The following UACA variants were observed in gnomAD, a reference collection of about 807,000 sequenced individuals.
UACA encodes uveal autoantigen with coiled-coil domains and ankyrin repeats.
A neutral mutation model predicts 160.5 loss-of-function variants in UACA; 112 were observed. That is an observed-to-expected ratio of 0.70 (90% CI 0.60 to 0.82). The LOEUF is 0.82. UACA is among the 40% of genes least tolerant of loss of function. The pLI, the probability that UACA is intolerant of heterozygous loss-of-function variation, is 0.00. For synonymous variants in UACA, 557 were observed against 568.4 expected, an observed-to-expected ratio of 0.98 and a Z score of 0.29; for missense variants, 1,574 against 1,614.6, an observed-to-expected ratio of 0.97 and a Z score of 0.43.
At chr15:70,755,145 C>A (rs916552413) in intron 1 of UACA, among the ~76,000 whole-genome samples, 2 of 152,096 alleles carry the variant, frequency 1.3e-5, no homozygotes, top group East Asian at 3.8e-4. Context: ...ATCTATTATT[C>A]TTGGATCTAG....
intron 1 of UACA, among the ~76,000 whole-genome samples, chr15:70,703,730 T>C (rs920567092): frequency 6.6e-6 from 1 of 152,054 alleles, no homozygotes; most frequent in Admixed American, 6.5e-5. Context: ...TGTCCTAGTA[T>C]TATGGATGTC....
At chr15:70,727,281 A>G (rs1050643014) in intron 1 of UACA, among the ~76,000 whole-genome samples, 1 of 152,232 alleles carries the variant, frequency 6.6e-6, no homozygotes, top group African/African-American at 2.4e-5. Flanking sequence ...AATCTATGAC[A>G]GAAAAATTTA....
intron 1 of UACA, among the ~76,000 whole-genome samples, chr15:70,724,919 C>CAAA (rs747331527): frequency 4.5e-5 from 4 of 88,730 alleles, no homozygotes; most frequent in African/African-American, 4.1e-5. Flanking sequence ...TCTGTCTCTA[C>CAAA]AAAAAAAAAA....
intron 1 of UACA, among the ~76,000 whole-genome samples, chr15:70,700,402 G>GA (rs1898312791): frequency 6.8e-6 from 1 of 147,564 alleles, no homozygotes; most frequent in African/African-American, 2.6e-5. Context: ...CTTTTACATA[G>GA]AAAAAACTAA....
rs2030903894 is a variant in UACA at position 70,763,466 on chromosome 15, A to C, written c.-59T>G. On this transcript the variant is annotated 5_prime_UTR_variant, in exon 1 of 19. Transcript: ENST00000322954. ...AAAGGCTGCGGAGTGCCAGCGCGCAAGGAGTAGACGGCAGCGGCTGCAGCA... is the reference window on the plus strand; with the variant it reads ...AAAGGCTGCGGAGTGCCAGCGCGCACGGAGTAGACGGCAGCGGCTGCAGCA... 7.9e-7 allele frequency: 1 copy of C among 1,273,314 alleles called. No individual in the cohort carries two copies. Among genetic ancestry groups the C allele is most frequent in the African/African-American group, 1.6e-5 (1 of 64,438 alleles). The allele number at this position is 1,273,314 out of a possible 1,614,324, so 78.9% of individuals were successfully genotyped here.
intron 1 of UACA, among the ~76,000 whole-genome samples, chr15:70,752,499 GTA>G (rs1368166902): frequency 1.3e-5 from 2 of 151,978 alleles, no homozygotes; most frequent in Non-Finnish European, 2.9e-5. Context: ...AAAGCATGAT[GTA>G]TTATATGTGT....
At chr15:70,773,094 G>C in the UACA span, among the ~76,000 whole-genome samples, 3 of 151,558 alleles carry the variant, frequency 2.0e-5, no homozygotes, top group East Asian at 5.8e-4. Context: ...AAAAAAAAAG[G>C]TACCAGCAAA....
chr15:70,775,900 A>C, the UACA span, among the ~76,000 whole-genome samples: 1 of 152,224 alleles, frequency 6.6e-6, no homozygotes. Context: ...CATCTTAAAC[A>C]AAGGATTCAT....
At chr15:70,684,149 T>C (rs993221825) in intron 8 of UACA, 116 bp downstream of exon 8, 2 of 856,010 alleles carry the variant, frequency 2.3e-6, no homozygotes, top group East Asian at 2.6e-5. Context: ...GAACCAATAC[T>C]GTTTATCAGT....
At chr15:70,666,244 T>C (rs1162927808) in intron 16 of UACA, among the ~76,000 whole-genome samples, 1 of 152,114 alleles carries the variant, frequency 6.6e-6, no homozygotes, top group Admixed American at 6.6e-5. Context: ...GAAAGGACAT[T>C]CTGGGTGAGG....
Position 70,660,176 on chromosome 15 carries a change from C to T in UACA, c.4154G>A (p.Arg1385Gln), listed in dbSNP as rs749706162. The change falls in exon 18 of 19, where the codon CGG (arginine) becomes CAG (glutamine). Residue 1385 changes from arginine (R) to glutamine (Q), a missense_variant. Arg to Gln is a conservative substitution (Grantham distance 43, BLOSUM62 1). Coordinates refer to ENST00000322954, the MANE Select transcript of UACA (RefSeq NM_018003.4). ...RQHQEVIAIY[R>Q]THLLSAAQGH... The stretch of plus-strand genomic sequence containing the variant: ...CTGTGCAGCACTAAGAAGGTGTGTC[C>T]GATAAATTGCAATTACTTCTTGGTG... The T allele has an allele frequency of 8.1e-6, 13 of 1,613,244 alleles. No homozygotes were observed. The East Asian group carries it at 1.3e-4, about 17-fold the overall frequency.
intron 2 of UACA, 102 bp downstream of exon 2, chr15:70,699,425 T>A: frequency 7.3e-7 from 1 of 1,366,672 alleles, no homozygotes; most frequent in Non-Finnish European, 1.0e-6. Context: ...TTGGCAGAAT[T>A]TCTTAATAAG....
At chr15:70,736,343 A>C (rs1290875942) in intron 1 of UACA, among the ~76,000 whole-genome samples, 1 of 152,196 alleles carries the variant, frequency 6.6e-6, no homozygotes, top group African/African-American at 2.4e-5. Flanking sequence ...GATTCTTTAT[A>C]GCAAACTACT....
At chr15:70,664,493 A>G (rs1390897725) in intron 17 of UACA, among the ~76,000 whole-genome samples, 169 bp downstream of exon 17, 2 of 152,220 alleles carry the variant, frequency 1.3e-5, no homozygotes, top group East Asian at 3.8e-4. Context: ...TAGGCATCAA[A>G]TAAGTATTAT....
chr15:70,774,342 C>T, the UACA span, among the ~76,000 whole-genome samples: 24 of 152,010 alleles, frequency 1.6e-4, no homozygotes, highest in East Asian at 1.9e-3. Context: ...GTCAGGCGAT[C>T]GAGACCATCC....
intron 1 of UACA, among the ~76,000 whole-genome samples, chr15:70,737,685 G>T (rs1038190688): frequency 2.0e-5 from 3 of 152,124 alleles, no homozygotes; most frequent in African/African-American, 7.2e-5. Context: ...TTTAACCTGG[G>T]TGGAAGAGTG....
chr15:70,705,490 C>T (rs1436128744), intron 1 of UACA, among the ~76,000 whole-genome samples: 1 of 151,912 alleles, frequency 6.6e-6, no homozygotes, highest in African/African-American at 2.4e-5. Flanking sequence ...GAGCCAAGAT[C>T]GCAGCATTGC....
the UACA span, among the ~76,000 whole-genome samples, chr15:70,770,413 C>G: frequency 1.3e-5 from 2 of 152,092 alleles, no homozygotes; most frequent in African/African-American, 2.4e-5. Context: ...ATGGATTAAC[C>G]AGGTATATAT....
chr15:70,760,789 G>A (rs111635253), intron 1 of UACA, among the ~76,000 whole-genome samples: 5,190 of 147,112 alleles, frequency 0.035, 150 homozygotes, highest in Middle Eastern at 0.087. Flanking sequence ...CCTGGCGACC[G>A]AGCGAGACTC....
Sources: allele counts gnomAD v4.1 joint callset (sites outside exome capture counted in the v4.1 genomes callset), GRCh38; gene constraint gnomAD v4.1.1; transcripts MANE v1.5; gene names NCBI Gene and HGNC (gene_info 2026-07-23, HGNC 2026-07-21).